C1QTNF6: variants seen among roughly 807,000 people sequenced by gnomAD.
C1QTNF6 encodes complement C1q tumor necrosis factor-related protein 6.
C1QTNF6 carries 17 observed loss-of-function variants against 20.7 expected under a neutral mutation model. The ratio of observed to expected loss-of-function variants is 0.82; its 90% CI spans 0.56 to 1.23. The LOEUF (loss-of-function observed/expected upper bound fraction) is 1.23. C1QTNF6 is among the 50% of genes most tolerant of loss of function. C1QTNF6 has a pLI of 0.00. For missense variants in C1QTNF6, 329 were observed against 389.7 expected (o/e 0.84, Z 1.31); for synonymous variants, 130 against 156.3 (o/e 0.83, Z 1.25).
In C1QTNF6 at chr22:37,188,146, A is replaced by G; in HGVS notation, c.51+17T>C. ...CTGACCCCAGCCCCCAAGCTTGAGGAGCCTCTGGTCACTCACCCTGTGTCC... is the reference window on the plus strand; with the variant it reads ...CTGACCCCAGCCCCCAAGCTTGAGGGGCCTCTGGTCACTCACCCTGTGTCC... On this transcript the variant is annotated intron_variant, in intron 1 of 2. Coordinates refer to ENST00000337843, the MANE Select transcript of C1QTNF6 (RefSeq NM_031910.4). 6.2e-7 allele frequency: 1 copy of G among 1,600,906 alleles called. No individual in the cohort carries two copies. The highest frequency in any genetic ancestry group is 8.5e-7 in the Non-Finnish European group (1 of 1,173,410).
chr22:37,194,818 T>C (rs1420881959), intron 2 of C1QTNF6, among the ~76,000 whole-genome samples: 1 of 152,146 alleles, frequency 6.6e-6, no homozygotes, highest in Admixed American at 6.5e-5. Flanking sequence ...TTTCAACATA[T>C]GGTAGCTGGG....
chr22:37,186,023 C>T, intron 1 of C1QTNF6: 1 of 985,490 alleles, frequency 1.0e-6, no homozygotes, highest in Non-Finnish European at 1.2e-6. Flanking sequence ...CGAGCCCATG[C>T]TTTGGTGTGA....
upstream of C1QTNF6, among the ~76,000 whole-genome samples, chr22:37,193,070 TC>T (rs1192375171): frequency 6.6e-6 from 1 of 152,184 alleles, no homozygotes; most frequent in Non-Finnish European, 1.5e-5. Context: ...TTCCATACTT[TC>T]TAGGTGGCCA....
upstream of C1QTNF6, chr22:37,188,283 A>AGGAGGGAGAGCGGAGGGGAT: frequency 8.7e-7 from 1 of 1,153,062 alleles, no homozygotes; most frequent in Non-Finnish European, 1.2e-6. Flanking sequence ...GGCCCAGCAG[A>AGGAGGGAGAGCGGAGGGGAT]GGAGGGAGAG....
In C1QTNF6 at chr22:37,184,333, C is replaced by T. The variant is rs151278038; in HGVS notation, c.289+885G>A. ...CAAAGTGGGAGGAATAAGAAAATAT[C>T]GACCTCACGGGCTGTTGTGGGCAGA... On this transcript the variant is annotated intron_variant, in intron 2 of 2. Transcript: ENST00000337843. The surrounding 1 kb of genome is among the most constrained non-coding windows in gnomAD (Gnocchi z 4.0). 414 of 716,496 alleles carry T rather than the reference C, an allele frequency of 5.8e-4. 4 individuals are homozygous for T. The East Asian group carries it at 0.011, about 19-fold the overall frequency. The allele number at this position is 716,496 out of a possible 1,614,324, so 44.4% of individuals were successfully genotyped here.
chr22:37,182,312 A>G lies in C1QTNF6; in HGVS notation c.713T>C (p.Leu238Pro), dbSNP rs1923847785. The G allele has an allele frequency of 6.2e-7, 1 of 1,614,106 alleles. No homozygotes were observed. The highest frequency in any genetic ancestry group is 1.1e-5 in the South Asian group (1 of 91,092). Residue 238 changes from leucine to proline, a missense_variant, in exon 3 of 3, where the codon CTG (leucine) becomes CCG (proline). Physicochemically the swap from Leu to Pro is moderately conservative, Grantham distance 98. Transcript: ENST00000337843. ...IMQSQSVMLD[L>P]AYGDRVWVRL... ...CACCCAGACGCGGTCCCCGTAGGCC[A>G]GGTCCAGCATCACACTCTGGCTCTG...
intron 1 of C1QTNF6, among the ~76,000 whole-genome samples, chr22:37,186,427 A>C (rs570141472): frequency 1.3e-5 from 2 of 152,366 alleles, no homozygotes; most frequent in East Asian, 3.9e-4. Flanking sequence ...GTTCATTGGA[A>C]GATGGTTGTG....
At chr22:37,187,573 T>TAAAA (rs5845322) in intron 1 of C1QTNF6, among the ~76,000 whole-genome samples, 1 of 147,282 alleles carries the variant, frequency 6.8e-6, no homozygotes, top group Non-Finnish European at 1.5e-5. Context: ...ATAAAAGACT[T>TAAAA]AAAAAAAAAA....
rs1427690416 is a variant in C1QTNF6, at chr22:37,182,014, G to A, written c.*174C>T. ...AATAGGTCCAAGAGAGAAGAGAGGA[G>A]CAGAAATAGGCTGGGAGGGATGATG... On this transcript the variant is annotated 3_prime_UTR_variant, in exon 3 of 3. Coordinates refer to ENST00000337843, the MANE Select transcript of C1QTNF6 (RefSeq NM_031910.4). The A allele has an allele frequency of 3.0e-6, 2 of 674,130 alleles. No individual in the cohort carries two copies. The highest frequency in any genetic ancestry group is 2.8e-5 in the East Asian group (1 of 36,234). The allele number at this position is 674,130 out of a possible 1,614,324, so 41.8% of individuals were successfully genotyped here. A position where few individuals can be genotyped will look rare whatever the true frequency, so the allele number is the denominator to read the frequency against.
At position 37,184,774 on chromosome 22, in the gene C1QTNF6, G is replaced by A. The variant is rs574966046; in HGVS notation, c.289+444C>T. Reference sequence around the variant, plus strand: ...GTGATCTGAGCCTGGTGCATCTCCCGGCCCTGCCCCAGGGCCCCTGCACCA... The same window carrying A: ...GTGATCTGAGCCTGGTGCATCTCCCAGCCCTGCCCCAGGGCCCCTGCACCA... On this transcript the variant is annotated intron_variant, in intron 2 of 2. Coordinates refer to ENST00000337843, the MANE Select transcript of C1QTNF6 (RefSeq NM_031910.4). The surrounding 1 kb of genome is among the most constrained non-coding windows in gnomAD (Gnocchi z 4.0). 2.0e-5 allele frequency among the ~76,000 whole-genome samples: 3 copies of A among 152,086 alleles called. No homozygotes were observed. Among genetic ancestry groups the A allele is most frequent in the Middle Eastern group, 3.4e-3 (1 of 292 alleles).
chr22:37,186,341 C>T (rs1324241184), intron 1 of C1QTNF6, among the ~76,000 whole-genome samples: 3 of 152,226 alleles, frequency 2.0e-5, no homozygotes, highest in Admixed American at 1.3e-4. Flanking sequence ...CTGCTCAGCA[C>T]CTTTGTGCAG....
chr22:37,186,768 G>A (rs1924385538), intron 1 of C1QTNF6, among the ~76,000 whole-genome samples: 1 of 152,200 alleles, frequency 6.6e-6, no homozygotes, highest in Admixed American at 6.5e-5. Context: ...CACTTCTGGC[G>A]TTTCTTTGTT....
At chr22:37,189,550 C>T (rs573271616), upstream of C1QTNF6, among the ~76,000 whole-genome samples, 5 of 152,292 alleles carry the variant, frequency 3.3e-5, no homozygotes, top group East Asian at 9.6e-4. Context: ...GATCCATCTT[C>T]TGTAACTTCT....
At position 37,188,145 on chromosome 22, in the gene C1QTNF6, G is replaced by C. The variant is rs1924541507; in HGVS notation, c.51+18C>G. On this transcript the variant is annotated intron_variant, in intron 1 of 2. Coordinates refer to ENST00000337843, the MANE Select transcript of C1QTNF6 (RefSeq NM_031910.4). ...TCTGACCCCAGCCCCCAAGCTTGAG[G>C]AGCCTCTGGTCACTCACCCTGTGTC... The C allele has an allele frequency of 4.4e-6, 7 of 1,601,072 alleles. No individual in the cohort carries two copies. The East Asian group carries it at 1.6e-4, about 37-fold the overall frequency.
chr22:37,188,107 A>G, intron 1 of C1QTNF6, 56 bp downstream of exon 1: 1 of 1,542,716 alleles, frequency 6.5e-7, no homozygotes, highest in Non-Finnish European at 8.8e-7. Flanking sequence ...GAGGGAGGAG[A>G]GGAATTCCAG....
upstream of C1QTNF6, among the ~76,000 whole-genome samples, chr22:37,189,604 G>C (rs930296472): frequency 2.0e-5 from 3 of 152,312 alleles, no homozygotes; most frequent in Admixed American, 1.3e-4. Context: ...AACTATTAGA[G>C]TCTCTTGGGT....
At chr22:37,197,289 G>A (rs1925195157) in intron 1 of C1QTNF6, 1 of 152,276 alleles carries the variant, frequency 6.6e-6, no homozygotes, top group South Asian at 2.1e-4. Flanking sequence ...CAGAGGGAGG[G>A]AGCCAAGGGG....
intron 2 of C1QTNF6, among the ~76,000 whole-genome samples, chr22:37,194,561 G>T (rs953765471): frequency 3.3e-5 from 5 of 152,170 alleles, no homozygotes; most frequent in African/African-American, 9.7e-5. Context: ...TGCTATGGGG[G>T]CCAAGACACG....
In C1QTNF6 at chr22:37,181,063, G is replaced by A. The variant is rs552409285; in HGVS notation, c.*1125C>T. 106 of 152,708 alleles carry A rather than the reference G, an allele frequency of 6.9e-4. No individual in the cohort carries two copies. Among genetic ancestry groups the A allele is most frequent in the Admixed American group, 1.5e-3 (23 of 15,316 alleles). 9.5% of individuals were successfully genotyped at this position (152,708 alleles called of 1,614,324 possible). On this transcript the variant is annotated 3_prime_UTR_variant, in exon 3 of 3. Transcript: ENST00000337843. ...TACCTGCCCCTGCCACCGGGACCCC[G>A]TCCCACCAGCCTTGGGGAGCAGTGG... is the stretch of plus-strand genomic sequence containing the variant.
Sources: gnomAD v4.1 joint callset for allele counts (sites outside exome capture counted in the v4.1 genomes callset) on GRCh38, gnomAD v4.1.1 for gene constraint, Gnocchi (gnomAD v3.1) non-coding constraint, MANE v1.5 for transcripts, NCBI Gene and HGNC (gene_info 2026-07-23, HGNC 2026-07-21) for gene names.